TRPS1: variants seen among roughly 807,000 people sequenced by gnomAD.
TRPS1 encodes zinc finger transcription factor Trps1.
In TRPS1, 6 loss-of-function variants were observed where a neutral mutation model predicts 101.2. That is an observed-to-expected ratio of 0.06 (90% CI 0.03 to 0.12). The LOEUF (loss-of-function observed/expected upper bound fraction) is 0.12. Ranked by LOEUF, TRPS1 falls within the 10% of genes least tolerant of loss-of-function variation. The pLI is 1.00. For missense variants in TRPS1, 1,363 were observed against 1,567.0 expected (o/e 0.87, Z 2.20); for synonymous variants, 578 against 589.8 (o/e 0.98, Z 0.29).
At chr8:115,501,704 C>T (rs921581924) in intron 5 of TRPS1, among the ~76,000 whole-genome samples, 6 of 152,172 alleles carry the variant, frequency 3.9e-5, no homozygotes, top group African/African-American at 1.4e-4. Context: ...GCTTTTCATA[C>T]TGTCAGCCAG....
chr8:115,540,641 T>A (rs1816430378), intron 5 of TRPS1, among the ~76,000 whole-genome samples: 1 of 151,780 alleles, frequency 6.6e-6, no homozygotes, highest in South Asian at 2.1e-4. Context: ...AAATTACTAA[T>A]TATATTATTT....
chr8:115,409,272 A>AAAAAAAAAAC lies in TRPS1; in HGVS notation c.*4741_*4750dup, dbSNP rs1812731012. On this transcript the variant is annotated 3_prime_UTR_variant, in exon 7 of 7. Coordinates refer to ENST00000395715, the MANE Select transcript of TRPS1 (RefSeq NM_014112.5). ...AGTTTATATGTTGGGAAAAAAAAAA[A>AAAAAAAAAAC]AAAAAAAAACAGGGGAAAACCAGAA... 1 of 149,292 alleles carries AAAAAAAAAAC rather than the reference A, an allele frequency of 6.7e-6. No homozygotes were observed. The highest frequency in any genetic ancestry group is 2.5e-5 in the African/African-American group (1 of 40,564). 9.2% of individuals were successfully genotyped at this position (149,292 alleles called of 1,614,324 possible).
At chr8:115,542,608 A>C (rs1179148024) in intron 5 of TRPS1, among the ~76,000 whole-genome samples, 2 of 152,072 alleles carry the variant, frequency 1.3e-5, no homozygotes, top group African/African-American at 4.8e-5. Context: ...AAAAGGATTT[A>C]GGCGCCGGCC....
chr8:115,604,016 C>T lies in TRPS1; in HGVS notation c.1953G>A (p.Glu651=), dbSNP rs1817969591. The change falls in exon 4 of 7, where the codon GAG becomes GAA. Residue 651 remains glutamate (E), a synonymous_variant. Transcript: ENST00000395715. The surrounding 1 kb of genome is among the most constrained non-coding windows in gnomAD (Gnocchi z 4.1). ...CTTGTTTGACATCCGATGCTTGGGA[C>T]TCATGCACACTTTCATAGTGAAAGA... is the stretch of plus-strand genomic sequence containing the variant. ...VLLFHYESVH[E]SQASDVKQEA... is the part of the protein sequence containing the mutation. 6.2e-7 allele frequency: 1 copy of T among 1,613,966 alleles called. No homozygotes were observed. Among genetic ancestry groups the T allele is most frequent in the South Asian group, 1.1e-5 (1 of 91,082 alleles).
intron 2 of TRPS1, among the ~76,000 whole-genome samples, chr8:115,622,697 C>T (rs1453722761): frequency 1.3e-5 from 2 of 151,940 alleles, no homozygotes; most frequent in African/African-American, 4.8e-5. Context: ...CACTGAATCA[C>T]CTAAATGAAA....
intron 5 of TRPS1, among the ~76,000 whole-genome samples, chr8:115,502,228 C>G (rs1815336455): frequency 6.6e-6 from 1 of 152,032 alleles, no homozygotes; most frequent in Non-Finnish European, 1.5e-5. Context: ...ACACTCTTCT[C>G]TGAGTTACAG....
At chr8:115,499,942 T>C (rs1165291762) in intron 5 of TRPS1, among the ~76,000 whole-genome samples, 1 of 79,252 alleles carries the variant, frequency 1.3e-5, no homozygotes, top group African/African-American at 5.7e-5. Flanking sequence ...TTTCTTTCTT[T>C]CTTTCTTTCT....
At chr8:115,511,301 T>A (rs1262430283) in intron 5 of TRPS1, 1 of 151,932 alleles carries the variant, frequency 6.6e-6, no homozygotes, top group African/African-American at 2.4e-5. Flanking sequence ...CTGAGAAATA[T>A]TTTTCTCAGG....
Position 115,440,337 on chromosome 8 carries a change from C to T in TRPS1, c.2701-21885G>A, listed in dbSNP as rs113920088. ...AGGCTCACGCCAATAGGAAGACCGACTGGCTGAGACAAGCCTCCCTGTTCT... is the reference window on the plus strand; with the variant it reads ...AGGCTCACGCCAATAGGAAGACCGATTGGCTGAGACAAGCCTCCCTGTTCT... On this transcript the variant is annotated intron_variant, in intron 5 of 6. Coordinates refer to ENST00000395715, the MANE Select transcript of TRPS1 (RefSeq NM_014112.5). 6.8e-3 allele frequency among the ~76,000 whole-genome samples: 1,042 copies of T among 152,312 alleles called. 10 individuals carry two copies. The highest frequency in any genetic ancestry group is 0.021 in the African/African-American group (862 of 41,566).
At chr8:115,508,729 A>G (rs1211512735) in intron 5 of TRPS1, among the ~76,000 whole-genome samples, 2 of 152,006 alleles carry the variant, frequency 1.3e-5, no homozygotes, top group African/African-American at 2.4e-5. Context: ...CAGAAGCTAG[A>G]AAACCTTTCT....
chr8:115,549,985 G>A (rs1330680952), intron 5 of TRPS1, among the ~76,000 whole-genome samples: 2 of 152,304 alleles, frequency 1.3e-5, no homozygotes, highest in Non-Finnish European at 2.9e-5. Flanking sequence ...GGAGACCCAC[G>A]TGGGTGGATC....
chr8:115,538,849 G>A (rs1816384512), intron 5 of TRPS1, among the ~76,000 whole-genome samples: 2 of 152,106 alleles, frequency 1.3e-5, no homozygotes, highest in Admixed American at 1.3e-4. Flanking sequence ...GCCAGTAAGA[G>A]GTTATAGATC....
At chr8:115,667,246 T>C (rs768807576) in intron 1 of TRPS1, among the ~76,000 whole-genome samples, 134 of 152,116 alleles carry the variant, frequency 8.8e-4, no homozygotes, top group Non-Finnish European at 1.8e-3. Context: ...CTGACTTCCC[T>C]GGGGAAAGGG....
At chr8:115,662,228 A>G (rs1023416999) in intron 1 of TRPS1, among the ~76,000 whole-genome samples, 3 of 152,012 alleles carry the variant, frequency 2.0e-5, no homozygotes, top group Non-Finnish European at 4.4e-5. Context: ...CAATGCCCCA[A>G]ATTTGCGGAA....
At chr8:115,520,769 G>C (rs914911977) in intron 5 of TRPS1, among the ~76,000 whole-genome samples, 1 of 151,700 alleles carries the variant, frequency 6.6e-6, no homozygotes, top group African/African-American at 2.4e-5. Flanking sequence ...CTCCCCAAAA[G>C]AAATGATAAC....
intron 5 of TRPS1, among the ~76,000 whole-genome samples, chr8:115,561,470 G>GTT (rs11390151): frequency 9.5e-5 from 14 of 146,904 alleles, no homozygotes; most frequent in African/African-American, 2.2e-4. Flanking sequence ...TTAATCTTGT[G>GTT]TTTTTTTTTT....
At chr8:115,532,387 A>G (rs1419776088) in intron 5 of TRPS1, among the ~76,000 whole-genome samples, 1 of 152,180 alleles carries the variant, frequency 6.6e-6, no homozygotes, top group Non-Finnish European at 1.5e-5. Context: ...ATTAAAATCT[A>G]CAAATACTGG....
chr8:115,488,212 C>A (rs896960913), intron 5 of TRPS1, among the ~76,000 whole-genome samples: 1 of 152,092 alleles, frequency 6.6e-6, no homozygotes, highest in Non-Finnish European at 1.5e-5. Flanking sequence ...TTAAGATATG[C>A]ACACTCTTTC....
Position 115,434,446 on chromosome 8 carries a change from C to T in TRPS1, c.2701-15994G>A, listed in dbSNP as rs572072001. ...AAGAGGTTTTACTTTAATAGTCTAA[C>T]AGCATCATTCATACCAAATTACTGT... On this transcript the variant is annotated intron_variant, in intron 5 of 6. Coordinates refer to ENST00000395715, the MANE Select transcript of TRPS1 (RefSeq NM_014112.5). 2.6e-5 allele frequency among the ~76,000 whole-genome samples: 4 copies of T among 152,254 alleles called. No homozygotes were observed. In the South Asian group the frequency reaches 8.3e-4, roughly 32 times the overall value.
Sources: gnomAD v4.1 joint callset for allele counts (sites outside exome capture counted in the v4.1 genomes callset) on GRCh38, gnomAD v4.1.1 for gene constraint, Gnocchi (gnomAD v3.1) non-coding constraint, MANE v1.5 for transcripts, NCBI Gene and HGNC (gene_info 2026-07-23, HGNC 2026-07-21) for gene names.